The following KRT28 variants were observed in gnomAD, a reference collection of about 807,000 sequenced individuals.
KRT28 encodes keratin 28.
In KRT28, 45 loss-of-function variants were observed where a neutral mutation model predicts 48.1. That is an observed-to-expected ratio of 0.94 (90% CI 0.74 to 1.20). The LOEUF is 1.20. Ranked by LOEUF, KRT28 falls within the 50% of genes most tolerant of loss-of-function variation. The probability of loss-of-function intolerance (pLI) is 0.00; values close to 1 mark genes in which losing one functional copy is unlikely to be tolerated. For synonymous variants in KRT28, 228 were observed against 227.4 expected (o/e 1.00, Z -0.03); for missense variants, 571 against 574.1 (o/e 0.99, Z 0.06).
rs752808082 is a variant in KRT28 at position 40,797,170 on chromosome 17, C to T, written c.802G>A (p.Ala268Thr). Residue 268 changes from alanine (A) to threonine (T), a missense_variant, in exon 4 of 8, where the codon GCC (alanine) becomes ACC (threonine). By Grantham distance (58) the Ala-to-Thr change is moderately conservative. Coordinates refer to ENST00000306658, the MANE Select transcript of KRT28 (RefSeq NM_181535.3). ...TCCTTGCGGTTCTGCTCTGCAAGGGCTTCGTACTCCGCTCGCATGTTGTTC... is the reference window on the plus strand; with the variant it reads ...TCCTTGCGGTTCTGCTCTGCAAGGGTTTCGTACTCCGCTCGCATGTTGTTC... ...LLNNMRAEYE[A>T]LAEQNRKDAE... 2.5e-6 allele frequency: 4 copies of T among 1,614,158 alleles called. No homozygotes were observed. The South Asian group carries it at 4.4e-5, about 18-fold the overall frequency.
chr17:40,796,189 T>C (rs1241323550), intron 5 of KRT28, among the ~76,000 whole-genome samples: 2 of 152,220 alleles, frequency 1.3e-5, no homozygotes, highest in Non-Finnish European at 2.9e-5. Context: ...CGAAACCTCT[T>C]ATGGGGAAGG....
At chr17:40,796,311 AC>A (rs1353109329) in intron 5 of KRT28, among the ~76,000 whole-genome samples, 4 of 152,200 alleles carry the variant, frequency 2.6e-5, no homozygotes, top group Non-Finnish European at 5.9e-5. Flanking sequence ...CGCCATGCTG[AC>A]CTTTGAAGTA....
chr17:40,796,896 T>G lies in KRT28; in HGVS notation c.978+20A>C. On this transcript the variant is annotated intron_variant, in intron 5 of 7. Transcript: ENST00000306658. ...CTTTCTAGAATCACAGGATCCAGGC[T>G]GACCTTCGCTGTCACCTACCGTGGC... 6.4e-7 allele frequency: 1 copy of G among 1,568,090 alleles called. No homozygotes were observed.
Position 40,799,539 on chromosome 17 carries a change from T to G in KRT28, c.355A>C (p.Lys119Gln), listed in dbSNP as rs1230524913. 1.7e-5 allele frequency: 27 copies of G among 1,614,042 alleles called. No homozygotes were observed. The highest frequency in any genetic ancestry group is 2.2e-5 in the Non-Finnish European group (26 of 1,180,028). The change falls in exon 1 of 8, where the codon AAG becomes CAG. Residue 119 changes from lysine to glutamine, a missense_variant. Lys to Gln is a moderately conservative substitution (Grantham distance 53, BLOSUM62 1). Coordinates refer to ENST00000306658, the MANE Select transcript of KRT28 (RefSeq NM_181535.3). ...GGTCCGTATTTTTCATACCAACCCT[T>G]GATTTTTCTCTCTAATTCAGCATTT... ...EANAELERKIKGWYEKYGPGS... is the reference protein window; with the variant it reads ...EANAELERKIQGWYEKYGPGS...
In KRT28 at chr17:40,797,210, G is replaced by C. The variant is rs1455859872; in HGVS notation, c.762C>G (p.Asp254Glu). Residue 254 changes from aspartate to glutamate, a missense_variant, in exon 4 of 8, where the codon GAC becomes GAG. By Grantham distance (45) the Asp-to-Glu change is conservative. Coordinates refer to ENST00000306658, the MANE Select transcript of KRT28 (RefSeq NM_181535.3). The stretch of plus-strand genomic sequence containing the variant: ...GCATGTTGTTCAACAAAACCGCGAG[G>C]TCTACCCCCGGGGCCGCGTTCATCT... ...NVEMNAAPGV[D>E]LAVLLNNMRA... The C allele has an allele frequency of 7.4e-6, 12 of 1,613,968 alleles. No homozygotes were observed. Among genetic ancestry groups the C allele is most frequent in the African/African-American group, 1.3e-5 (1 of 74,874 alleles).
chr17:40,796,707 A>G (rs1904620173), intron 5 of KRT28, among the ~76,000 whole-genome samples: 1 of 152,238 alleles, frequency 6.6e-6, no homozygotes, highest in Non-Finnish European at 1.5e-5. Flanking sequence ...AGCATCAGCC[A>G]GGAAGGAAAC....
At chr17:40,792,636 T>A (rs1597806792) in intron 7 of KRT28, 67 bp from the exon 8 acceptor site, 2 of 1,135,212 alleles carry the variant, frequency 1.8e-6, no homozygotes, top group East Asian at 4.8e-5. Flanking sequence ...CACTGCTAGT[T>A]CAATATAATA....
In KRT28 at chr17:40,793,988, G is replaced by A. The variant is rs150448547; in HGVS notation, c.1037C>T (p.Ala346Val). 11 of 1,613,790 alleles carry A rather than the reference G, an allele frequency of 6.8e-6. No individual in the cohort carries two copies. The highest frequency in any genetic ancestry group is 1.6e-4 in the Middle Eastern group (1 of 6,078). The change falls in exon 6 of 8, where the codon GCG (alanine) becomes GTG (valine). Residue 346 changes from alanine to valine, a missense_variant. Transcript: ENST00000306658. ...GGCCCCGATCTGAGCCTGGATCTGCGCCAGCTGCGTACAGTAGTTGCTCTC... is the reference window on the plus strand; with the variant it reads ...GGCCCCGATCTGAGCCTGGATCTGCACCAGCTGCGTACAGTAGTTGCTCTC... ...ETESNYCTQLAQIQAQIGALE... is the reference protein window; with the variant it reads ...ETESNYCTQLVQIQAQIGALE...
In KRT28 at chr17:40,794,025, A is replaced by C. The variant is rs1292191494; in HGVS notation, c.1000T>G (p.Leu334Val). Residue 334 changes from leucine (L) to valine (V), a missense_variant, in exon 6 of 8, where the codon TTG becomes GTG. Physicochemically the swap from Leu to Val is conservative, Grantham distance 32. Transcript: ENST00000306658. ...MATKHSLECS[L>V]TETESNYCTQ... ...CAGTAGTTGCTCTCGGTCTCTGTCA[A>C]GGAGCACTCCAGGGAGTGTTTCTGA... 1.9e-6 allele frequency: 3 copies of C among 1,613,956 alleles called. No individual in the cohort carries two copies. In the South Asian group the frequency reaches 3.3e-5, roughly 18 times the overall value.
At chr17:40,795,335 C>G (rs1355892829) in intron 5 of KRT28, among the ~76,000 whole-genome samples, 1 of 152,160 alleles carries the variant, frequency 6.6e-6, no homozygotes, top group African/African-American at 2.4e-5. Flanking sequence ...AATGCGTCCT[C>G]CTAGGGTATT....
chr17:40,792,610 G>A, intron 7 of KRT28, 41 bp from the exon 8 acceptor site: 3 of 1,481,458 alleles, frequency 2.0e-6, no homozygotes, highest in Non-Finnish European at 2.8e-6. Context: ...CAACCAAAAA[G>A]ATTACATGAC....
chr17:40,799,708 A>G lies in KRT28; in HGVS notation c.186T>C (p.Ala62=), dbSNP rs148232167. Residue 62 remains alanine, a synonymous_variant, in exon 1 of 8, where the codon GCT becomes GCC. Transcript: ENST00000306658. The part of the protein sequence containing the change: ...GLGSVPGGSH[A]GGALGNAACI... ...AAGCAGCATTTCCAAGGGCACCACC[A>G]GCATGGCTCCCACCAGGAACACTGC... 6.2e-6 allele frequency: 10 copies of G among 1,613,976 alleles called. No homozygotes were observed. Among genetic ancestry groups the G allele is most frequent in the Non-Finnish European group, 8.5e-6 (10 of 1,180,004 alleles).
rs923265611 is a variant in KRT28 at position 40,799,494 on chromosome 17, C to G, written c.400G>C (p.Asp134His). The G allele has an allele frequency of 1.2e-5, 20 of 1,613,930 alleles. No homozygotes were observed. Among genetic ancestry groups the G allele is most frequent in the Non-Finnish European group, 1.4e-5 (16 of 1,180,012 alleles). ...AGGTGATATCTGCTATAGTCATGAT[C>G]AAGTCCACGGCAAGATCCAGGTCCG... Reference protein sequence around the residue: ...KYGPGSCRGLDHDYSRYHLTI... With the variant: ...KYGPGSCRGLHHDYSRYHLTI... The change falls in exon 1 of 8, where the codon GAT (aspartate) becomes CAT (histidine). Residue 134 changes from aspartate (D) to histidine (H), a missense_variant. Transcript: ENST00000306658.
Position 40,793,175 on chromosome 17 carries a change from C to A in KRT28, c.1232G>T (p.Ser411Ile), listed in dbSNP as rs746799851. 2 of 1,567,130 alleles carry A rather than the reference C, an allele frequency of 1.3e-6. No individual in the cohort carries two copies. The highest frequency in any genetic ancestry group is 1.7e-6 in the Non-Finnish European group (2 of 1,156,896). The change falls in exon 7 of 8, where the codon AGC (serine) becomes ATC (isoleucine). Residue 411 changes from serine (S) to isoleucine (I), a missense_variant. Coordinates refer to ENST00000306658, the MANE Select transcript of KRT28 (RefSeq NM_181535.3). ...ATTACCTTTAGATGAATTCCCAGGG[C>A]TTCCTGATCCAAAGCCCTTTGATTT... ...CSKSKGFGSG[S>I]PGNSSKDLSK...
rs1904685602 is a variant in KRT28 at position 40,798,991 on chromosome 17, G to C, written c.459C>G (p.Ser153=). 6.3e-7 allele frequency: 1 copy of C among 1,596,058 alleles called. No individual in the cohort carries two copies. The highest frequency in any genetic ancestry group is 8.6e-7 in the Non-Finnish European group (1 of 1,167,470). ...TIEDLKNKII[S]STTTNANVIL... ...TGACATTAGCATTAGTAGTAGTGGA[G>C]GAGATAATCTAGAATAAACCAAAAC... The change falls in exon 2 of 8, where the codon TCC becomes TCG. Residue 153 remains serine (S), a synonymous_variant. Coordinates refer to ENST00000306658, the MANE Select transcript of KRT28 (RefSeq NM_181535.3).
chr17:40,793,968 C>G lies in KRT28; in HGVS notation c.1057G>C (p.Gly353Arg). The G allele has an allele frequency of 8.7e-6, 14 of 1,613,898 alleles. No individual in the cohort carries two copies. The South Asian group carries it at 8.8e-5, about 10-fold the overall frequency. Reference sequence around the variant, plus strand: ...TGGTGCAGCTGCTCCTCCAGGGCCCCGATCTGAGCCTGGATCTGCGCCAGC... The same window carrying G: ...TGGTGCAGCTGCTCCTCCAGGGCCCGGATCTGAGCCTGGATCTGCGCCAGC... ...TQLAQIQAQI[G>R]ALEEQLHQVR... Residue 353 changes from glycine to arginine, a missense_variant, in exon 6 of 8, where the codon GGG becomes CGG. By Grantham distance (125) the Gly-to-Arg change is moderately radical (BLOSUM62 -2). Transcript: ENST00000306658.
rs1377279350 is a variant in KRT28 at position 40,796,932 on chromosome 17, T to C, written c.962A>G (p.Gln321Arg). 6.2e-7 allele frequency: 1 copy of C among 1,606,454 alleles called. No individual in the cohort carries two copies. The highest frequency in any genetic ancestry group is 8.5e-7 in the Non-Finnish European group (1 of 1,176,996). Residue 321 changes from glutamine to arginine, a missense_variant, in exon 5 of 8, where the codon CAG becomes CGG. Gln to Arg is a conservative substitution (Grantham distance 43, BLOSUM62 1). Transcript: ENST00000306658. ...RTLQTLEIQLQSLMATKHSLE... is the reference protein window; with the variant it reads ...RTLQTLEIQLRSLMATKHSLE... Reference sequence around the variant, plus strand: ...GTCACCTACCGTGGCCATCAGGGACTGCAGCTGGATCTCCAGGGTCTGCAG... The same window carrying C: ...GTCACCTACCGTGGCCATCAGGGACCGCAGCTGGATCTCCAGGGTCTGCAG...
intron 5 of KRT28, among the ~76,000 whole-genome samples, chr17:40,795,231 G>A (rs1904584677): frequency 6.6e-6 from 1 of 152,062 alleles, no homozygotes; most frequent in Non-Finnish European, 1.5e-5. Context: ...GTAAGTGGAA[G>A]GAGATCAGGA....
At chr17:40,796,426 A>G (rs375066847) in intron 5 of KRT28, among the ~76,000 whole-genome samples, 15 of 152,326 alleles carry the variant, frequency 9.8e-5, no homozygotes, top group African/African-American at 3.6e-4. Flanking sequence ...GAAGAGCCTG[A>G]CAGTGCCCAT....
Sources: allele counts gnomAD v4.1 joint callset (sites outside exome capture counted in the v4.1 genomes callset), GRCh38; gene constraint gnomAD v4.1.1; transcripts MANE v1.5; gene names NCBI Gene and HGNC (gene_info 2026-07-23, HGNC 2026-07-21).